Variants in FNBP4 observed in about 807,000 individuals in gnomAD.
The protein encoded by FNBP4 is formin-binding protein 4.
In FNBP4, 34 loss-of-function variants were observed where a neutral mutation model predicts 119.3. That is an observed-to-expected ratio of 0.28 (90% CI 0.22 to 0.38). FNBP4 has a LOEUF of 0.38. Among genes scored for constraint, FNBP4 ranks in the 10% least tolerant of loss-of-function variants. The pLI, the probability that FNBP4 is intolerant of heterozygous loss-of-function variation, is 1.00. For missense variants in FNBP4, 1,112 were observed against 1,228.9 expected (o/e 0.90, Z 1.42); for synonymous variants, 462 against 430.6 (o/e 1.07, Z -0.90).
At chr11:47,722,172 A>G (rs2097556547) in intron 15 of FNBP4, among the ~76,000 whole-genome samples, 1 of 141,054 alleles carries the variant, frequency 7.1e-6, no homozygotes, top group African/African-American at 2.7e-5. Flanking sequence ...TGTTTGATGT[A>G]CTGCTAAATC....
rs1209401490 is a variant in FNBP4, at chr11:47,724,814, A to C, written c.2009-36T>G. 5 of 1,519,374 alleles carry C rather than the reference A, an allele frequency of 3.3e-6. No homozygotes were observed. In the African/African-American group the frequency reaches 7.0e-5, roughly 21 times the overall value. 94.1% of individuals were successfully genotyped at this position (1,519,374 alleles called of 1,614,324 possible). ...AGGTAAGAGTCAGGGAAAAAGCAAG[A>C]AAAAAACTCCCTGGCTTATATTCAT... is the stretch of plus-strand genomic sequence containing the variant. On this transcript the variant is annotated intron_variant, in intron 12 of 16. Coordinates refer to ENST00000263773, the MANE Select transcript of FNBP4 (RefSeq NM_015308.5).
In FNBP4 at chr11:47,724,219, CAT is replaced by C. The variant is rs753991243; in HGVS notation, c.2320-49_2320-48del. ...TCAGTGGCTGAAGGCCATGGTTAAA[CAT>C]AGCCCGCTCCCACCTCCTTTTTTTG... On this transcript the variant is annotated intron_variant, in intron 13 of 16. Transcript: ENST00000263773. The C allele has an allele frequency of 5.0e-6, 8 of 1,603,982 alleles. No homozygotes were observed. In the African/African-American group the frequency reaches 8.0e-5, roughly 16 times the overall value.
At chr11:47,743,414 C>T (rs1227154810) in intron 8 of FNBP4, among the ~76,000 whole-genome samples, 4 of 151,870 alleles carry the variant, frequency 2.6e-5, no homozygotes, top group Non-Finnish European at 4.4e-5. Flanking sequence ...ATCTGGGAGG[C>T]GGAGGTTGCA....
At chr11:47,738,271 A>G (rs1312960551) in intron 8 of FNBP4, among the ~76,000 whole-genome samples, 2 of 152,166 alleles carry the variant, frequency 1.3e-5, no homozygotes, top group African/African-American at 4.8e-5. Context: ...ACTGCCAGTT[A>G]AAAAGCCAAA....
intron 15 of FNBP4, among the ~76,000 whole-genome samples, chr11:47,721,992 C>T (rs1184993509): frequency 1.3e-5 from 1 of 74,454 alleles, no homozygotes; most frequent in African/African-American, 5.1e-5. Context: ...GGGGTGGTGG[C>T]GGATGTCTCT....
intron 8 of FNBP4, among the ~76,000 whole-genome samples, chr11:47,742,138 C>T (rs1182551908): frequency 4.0e-5 from 6 of 151,872 alleles, no homozygotes; most frequent in South Asian, 2.1e-4. Context: ...TAACTGTAAA[C>T]GTATATAAAG....
At chr11:47,733,773 T>C (rs1335828068) in intron 10 of FNBP4, among the ~76,000 whole-genome samples, 1 of 152,176 alleles carries the variant, frequency 6.6e-6, no homozygotes, top group African/African-American at 2.4e-5. Flanking sequence ...GCTTTAACAC[T>C]TACAAAGTAC....
chr11:47,754,614 CATT>C lies in FNBP4; in HGVS notation c.361_363del (p.Asn121del), dbSNP rs775898181. On this transcript the variant is annotated inframe_deletion, in exon 3 of 17. Coordinates refer to ENST00000263773, the MANE Select transcript of FNBP4 (RefSeq NM_015308.5). ...GATTGTGCTAGTTTTTCGGAAACAT[CATT>C]GTCATCGTCATCACTGTCAGCATAA... The C allele has an allele frequency of 1.2e-5, 19 of 1,614,010 alleles. No homozygotes were observed. The highest frequency in any genetic ancestry group is 5.5e-5 in the South Asian group (5 of 91,086).
chr11:47,731,197 C>T, intron 12 of FNBP4, 177 bp downstream of exon 12: 1 of 550,964 alleles, frequency 1.8e-6, no homozygotes, highest in Non-Finnish European at 3.0e-6. Flanking sequence ...CACGTGATAA[C>T]AATAGTATGC....
chr11:47,762,738 C>T (rs1018442852), intron 2 of FNBP4, among the ~76,000 whole-genome samples: 24 of 151,394 alleles, frequency 1.6e-4, no homozygotes, highest in African/African-American at 5.3e-4. Context: ...CATGGTGAAC[C>T]GTCTCTACTG....
chr11:47,759,478 T>C (rs1211796709), intron 2 of FNBP4, among the ~76,000 whole-genome samples: 1 of 151,936 alleles, frequency 6.6e-6, no homozygotes, highest in African/African-American at 2.4e-5. Context: ...CCTCCGAAAG[T>C]GCTGAGATTA....
At chr11:47,720,504 C>T in intron 15 of FNBP4, among the ~76,000 whole-genome samples, 1 of 150,892 alleles carries the variant, frequency 6.6e-6, no homozygotes, top group African/African-American at 2.4e-5. Context: ...GGAGGCGGAT[C>T]TTGCAGTGAG....
Position 47,751,244 on chromosome 11 carries a change from C to A in FNBP4, c.684G>T (p.Thr228=), listed in dbSNP as rs200283000. The part of the protein sequence containing the change: ...GDWQEVWDEN[T]GCYYYWNTQT... ...GTGTATTCCAATAATAATAACATCC[C>A]GTGTTCTCATCCCAGACTTCCTGCC... Residue 228 remains threonine (T), a synonymous_variant, in exon 5 of 17, where the codon ACG becomes ACT. Coordinates refer to ENST00000263773, the MANE Select transcript of FNBP4 (RefSeq NM_015308.5). 2.6e-3 allele frequency: 4,222 copies of A among 1,614,044 alleles called. 9 individuals carry two copies. The highest frequency in any genetic ancestry group is 3.2e-3 in the Non-Finnish European group (3,769 of 1,180,006).
intron 9 of FNBP4, among the ~76,000 whole-genome samples, chr11:47,734,698 G>T (rs1030145445): frequency 6.6e-6 from 1 of 152,082 alleles, no homozygotes; most frequent in African/African-American, 2.4e-5. Context: ...TTTGGGGCTG[G>T]GTGTGGTGGC....
intron 2 of FNBP4, 134 bp downstream of exon 2, chr11:47,765,136 T>C (rs2097644111): frequency 1.6e-6 from 1 of 638,274 alleles, no homozygotes; most frequent in African/African-American, 1.9e-5. Context: ...ACAAAAATAA[T>C]CTTAAATCAT....
chr11:47,762,950 G>A (rs2097639162), intron 2 of FNBP4, among the ~76,000 whole-genome samples: 1 of 147,368 alleles, frequency 6.8e-6, no homozygotes, highest in African/African-American at 2.5e-5. Context: ...TGCCTAGGCT[G>A]CTCTTGAACT....
At position 47,732,699 on chromosome 11, in the gene FNBP4, A is replaced by T. The variant is rs1565130783; in HGVS notation, c.1687-29T>A. ...GAATAAACAGACAAATAAGTTAAAG[A>T]CTTATTATTACATGTCAGGAGACAC... On this transcript the variant is annotated intron_variant, in intron 10 of 16. Transcript: ENST00000263773. This position sits in a 1 kb window ranked among gnomAD's most constrained non-coding sequence, Gnocchi z 4.2. 6.2e-7 allele frequency: 1 copy of T among 1,605,568 alleles called. No homozygotes were observed. Among genetic ancestry groups the T allele is most frequent in the Non-Finnish European group, 8.5e-7 (1 of 1,172,198 alleles).
In FNBP4 at chr11:47,724,692, T is replaced by C. The variant is rs370087702; in HGVS notation, c.2095A>G (p.Asn699Asp). 48 of 1,613,716 alleles carry C rather than the reference T, an allele frequency of 3.0e-5. No homozygotes were observed. The African/African-American group carries it at 4.1e-4, about 14-fold the overall frequency. ...LTPFWTLLQS[N>D]VPVLQPPLPL... Reference sequence around the variant, plus strand: ...AATGGAGGTTGAAGCACAGGAACATTTGACTGAAGGAGGGTCCAGAATGGA... The same window carrying C: ...AATGGAGGTTGAAGCACAGGAACATCTGACTGAAGGAGGGTCCAGAATGGA... The change falls in exon 13 of 17, where the codon AAT becomes GAT. Residue 699 changes from asparagine (N) to aspartate (D), a missense_variant. Physicochemically the swap from Asn to Asp is conservative, Grantham distance 23. Transcript: ENST00000263773.
chr11:47,735,566 A>G (rs1399113090), intron 9 of FNBP4, among the ~76,000 whole-genome samples: 1 of 152,236 alleles, frequency 6.6e-6, no homozygotes, highest in East Asian at 1.9e-4. Flanking sequence ...CTCCCAAACT[A>G]GAGAAGCCTA....
Sources: allele counts gnomAD v4.1 joint callset (sites outside exome capture counted in the v4.1 genomes callset), GRCh38; gene constraint gnomAD v4.1.1; non-coding constraint Gnocchi (gnomAD v3.1); transcripts MANE v1.5; gene names NCBI Gene and HGNC (gene_info 2026-07-23, HGNC 2026-07-21).